The following BMPR2 variants were observed in gnomAD, a reference collection of about 807,000 sequenced individuals.
BMPR2 encodes the protein bone morphogenetic protein receptor type-2.
BMPR2 carries 29 observed loss-of-function variants against 100.8 expected under a neutral mutation model. The observed-to-expected ratio is 0.29, with a 90% confidence interval of 0.21 to 0.39. The LOEUF (loss-of-function observed/expected upper bound fraction) is 0.39, where lower values mean the gene tolerates loss of function less well. Among genes scored for constraint, BMPR2 ranks in the 10% least tolerant of loss-of-function variants. The probability of loss-of-function intolerance (pLI) is 1.00; values close to 1 mark genes in which losing one functional copy is unlikely to be tolerated. For synonymous variants in BMPR2, 382 were observed against 442.3 expected, an observed-to-expected ratio of 0.86 and a Z score of 1.71; for missense variants, 1,011 against 1,274.5, an observed-to-expected ratio of 0.79 and a Z score of 3.15.
At chr2:202,428,416 T>A (rs1691437030) in intron 1 of BMPR2, among the ~76,000 whole-genome samples, 1 of 151,424 alleles carries the variant, frequency 6.6e-6, no homozygotes, top group Non-Finnish European at 1.5e-5. Context: ...CTTTTTTTTT[T>A]AAGAGACGGG....
At chr2:202,552,969 A>C in intron 11 of BMPR2, 81 bp downstream of exon 11, 1 of 1,525,470 alleles carries the variant, frequency 6.6e-7, no homozygotes, top group Non-Finnish European at 9.1e-7. Context: ...AAATACTTTT[A>C]AACCAGCCTA....
Position 202,467,723 on chromosome 2 carries a change from C to T in BMPR2, c.418+34C>T, listed in dbSNP as rs145774643. The T allele has an allele frequency of 8.7e-4, 1,369 of 1,578,378 alleles. 6 individuals are homozygous for T. In the African/African-American group the frequency reaches 0.015, roughly 18 times the overall value. The stretch of plus-strand genomic sequence containing the variant: ...AGTAACCAACTTTTCTTTGTATTTC[C>T]TTTCTCCAAAGATTTGCAAAATATA... On this transcript the variant is annotated intron_variant, in intron 3 of 12. Transcript: ENST00000374580.
chr2:202,559,564 C>T (rs1688645482), intron 12 of BMPR2, 132 bp from the exon 13 acceptor site: 1 of 991,110 alleles, frequency 1.0e-6, no homozygotes, highest in East Asian at 2.6e-5. Flanking sequence ...CATTGTCTGG[C>T]ATTATGAATT....
chr2:202,520,562 A>C (rs562677178), intron 7 of BMPR2: 23 of 309,152 alleles, frequency 7.4e-5, no homozygotes, highest in Middle Eastern at 1.1e-3. Context: ...CTGCAAGCGG[A>C]CAAGCACCAA....
chr2:202,415,540 G>GGACA (rs1178445816), intron 1 of BMPR2, among the ~76,000 whole-genome samples: 1 of 152,178 alleles, frequency 6.6e-6, no homozygotes, highest in Non-Finnish European at 1.5e-5. Flanking sequence ...AAGCTTCAAA[G>GGACA]GACAAGTCAG....
At chr2:202,511,800 A>G (rs1041350188) in intron 3 of BMPR2, among the ~76,000 whole-genome samples, 3 of 152,058 alleles carry the variant, frequency 2.0e-5, no homozygotes, top group Non-Finnish European at 4.4e-5. Context: ...GGGCACATCA[A>G]CTTGAGGCCA....
chr2:202,398,150 T>C (rs900314595), intron 1 of BMPR2, among the ~76,000 whole-genome samples: 1 of 152,102 alleles, frequency 6.6e-6, no homozygotes, highest in Non-Finnish European at 1.5e-5. Flanking sequence ...TACTTACTTT[T>C]CTTTATAGAC....
Position 202,555,283 on chromosome 2 carries a change from A to G in BMPR2, c.1618A>G (p.Ile540Val). The change falls in exon 12 of 13, where the codon ATT becomes GTT. Residue 540 changes from isoleucine to valine, a missense_variant. Physicochemically the swap from Ile to Val is conservative, Grantham distance 29. Transcript: ENST00000374580. ...GTCACATAATAGGCGTGTGCCAAAA[A>G]TTGGTCCTTATCCAGATTATTCTTC... ...NLSHNRRVPK[I>V]GPYPDYSSSS... 6.2e-7 allele frequency: 1 copy of G among 1,614,212 alleles called. No homozygotes were observed. The highest frequency in any genetic ancestry group is 8.5e-7 in the Non-Finnish European group (1 of 1,180,032).
rs548615852 is a variant in BMPR2 at position 202,559,227 on chromosome 2, G to A, written c.2867-469G>A. Reference sequence around the variant, plus strand: ...TGAGGCGTGAGAATCACTTGAGCCCGGGAAACAGAGGTTGCAGTGAGTCAA... The same window carrying A: ...TGAGGCGTGAGAATCACTTGAGCCCAGGAAACAGAGGTTGCAGTGAGTCAA... On this transcript the variant is annotated intron_variant, in intron 12 of 12. Transcript: ENST00000374580. Among the ~76,000 whole-genome samples the A allele has an allele frequency of 3.3e-5, 5 of 151,794 alleles. No individual in the cohort carries two copies. The East Asian group carries it at 5.8e-4, about 18-fold the overall frequency.
At position 202,565,390 on chromosome 2, in the gene BMPR2, C is replaced by T. The variant is rs1001652990; in HGVS notation, c.*5444C>T. The T allele has an allele frequency of 4.4e-4, 67 of 152,222 alleles. No individual in the cohort carries two copies. The highest frequency in any genetic ancestry group is 1.5e-3 in the African/African-American group (64 of 41,470). 9.4% of individuals were successfully genotyped at this position (152,222 alleles called of 1,614,324 possible). A position where few individuals can be genotyped will look rare whatever the true frequency, so the allele number is the denominator to read the frequency against. On this transcript the variant is annotated 3_prime_UTR_variant, in exon 13 of 13. Coordinates refer to ENST00000374580, the MANE Select transcript of BMPR2 (RefSeq NM_001204.7). ...TCTTTTATATTCAAATTCATTACTC[C>T]AGTTAAGTAATAGTTTGATAGTTTG...
intron 10 of BMPR2, among the ~76,000 whole-genome samples, chr2:202,552,322 C>G (rs879304673): frequency 6.6e-5 from 10 of 152,150 alleles, no homozygotes; most frequent in African/African-American, 2.4e-4. Flanking sequence ...AGGAGAAAAG[C>G]TCACCTAGAG....
rs893628047 is a variant in BMPR2, at chr2:202,560,234, A to G, written c.*288A>G. On this transcript the variant is annotated 3_prime_UTR_variant, in exon 13 of 13. Transcript: ENST00000374580. ...TGTGTGTGTATCAAAAGTGGTCTCA[A>G]AATATTTTTTTAAGAAAAAAAGCAA... The G allele has an allele frequency of 2.8e-6, 1 of 362,052 alleles. No homozygotes were observed. Among genetic ancestry groups the G allele is most frequent in the Non-Finnish European group, 5.1e-6 (1 of 196,606 alleles). 22.4% of individuals were successfully genotyped at this position (362,052 alleles called of 1,614,324 possible).
intron 3 of BMPR2, among the ~76,000 whole-genome samples, chr2:202,502,114 T>C (rs1339937257): frequency 6.6e-6 from 1 of 152,212 alleles, no homozygotes; most frequent in African/African-American, 2.4e-5. Flanking sequence ...AAAGAATAAA[T>C]GTGTATACAG....
At chr2:202,440,715 C>G (rs1691720684) in intron 1 of BMPR2, among the ~76,000 whole-genome samples, 2 of 150,314 alleles carry the variant, frequency 1.3e-5, no homozygotes, top group Non-Finnish European at 2.9e-5. Context: ...AGAATTCAGG[C>G]AGGGAGGTTG....
At position 202,556,342 on chromosome 2, in the gene BMPR2, C is replaced by T. The variant is rs764248124; in HGVS notation, c.2677C>T (p.Arg893Trp). 20 of 1,614,062 alleles carry T rather than the reference C, an allele frequency of 1.2e-5. No homozygotes were observed. The highest frequency in any genetic ancestry group is 3.3e-5 in the South Asian group (3 of 91,070). Residue 893 changes from arginine (R) to tryptophan (W), a missense_variant, in exon 12 of 13, where the codon CGG (arginine) becomes TGG (tryptophan). Physicochemically the swap from Arg to Trp is moderately radical, Grantham distance 101. Around this residue, in one of 6 missense-constraint regions of BMPR2, gnomAD observed 508 missense variants for 552.0 expected, o/e 0.92. Transcript: ENST00000374580. ...VLDRLVDRRERPLEGGRTNSN... is the reference protein window; with the variant it reads ...VLDRLVDRREWPLEGGRTNSN... Reference sequence around the variant, plus strand: ...GGATCGTCTTGTGGACAGGAGGGAACGGCCACTAGAAGGTGGCCGAACTAA... The same window carrying T: ...GGATCGTCTTGTGGACAGGAGGGAATGGCCACTAGAAGGTGGCCGAACTAA...
At chr2:202,408,702 C>T (rs780706519) in intron 1 of BMPR2, among the ~76,000 whole-genome samples, 1 of 152,166 alleles carries the variant, frequency 6.6e-6, no homozygotes, top group Non-Finnish European at 1.5e-5. Flanking sequence ...AATCAGTCTT[C>T]TATCTTTGAG....
intron 3 of BMPR2, among the ~76,000 whole-genome samples, chr2:202,506,516 C>T (rs1687523652): frequency 6.6e-6 from 1 of 151,982 alleles, no homozygotes; most frequent in South Asian, 2.1e-4. Flanking sequence ...AGGGCTCTAC[C>T]CTCATTATAT....
At chr2:202,518,312 AT>A (rs1687755065) in intron 5 of BMPR2, among the ~76,000 whole-genome samples, 1 of 149,580 alleles carries the variant, frequency 6.7e-6, no homozygotes, top group African/African-American at 2.5e-5. Flanking sequence ...TAATTTTTGT[AT>A]TTTTAGTAGA....
chr2:202,473,006 C>T (rs1692467046), intron 3 of BMPR2, among the ~76,000 whole-genome samples: 1 of 152,076 alleles, frequency 6.6e-6, no homozygotes, highest in Admixed American at 6.6e-5. Flanking sequence ...ATTTAGTCTG[C>T]AATTGCTAGG....
Sources: allele counts gnomAD v4.1 joint callset (sites outside exome capture counted in the v4.1 genomes callset), GRCh38; gene constraint gnomAD v4.1.1; regional missense constraint gnomAD v4.1.1; transcripts MANE v1.5; gene names NCBI Gene and HGNC (gene_info 2026-07-23, HGNC 2026-07-21).